Variants in TACC1 observed in about 807,000 individuals in gnomAD.
TACC1 encodes transforming acidic coiled-coil-containing protein 1.
A neutral mutation model predicts 84.4 loss-of-function variants in TACC1; 48 were observed. That is an observed-to-expected ratio of 0.57 (90% CI 0.45 to 0.72). The LOEUF (loss-of-function observed/expected upper bound fraction) is 0.72. Ranked by LOEUF, TACC1 falls within the 30% of genes least tolerant of loss-of-function variation. The pLI is 0.00. For synonymous variants in TACC1, 372 were observed against 376.3 expected (o/e 0.99, Z 0.13); for missense variants, 920 against 973.0 (o/e 0.95, Z 0.72).
chr8:38,788,605 C>T, intron 1 of TACC1, 99 bp from the exon 2 acceptor site: 1 of 966,006 alleles, frequency 1.0e-6, no homozygotes, highest in African/African-American at 1.6e-5. Context: ...TGAAGTTAGA[C>T]AAAAGTGCTG....
At chr8:38,813,188 A>G (rs1824626485) in intron 2 of TACC1, among the ~76,000 whole-genome samples, 2 of 152,190 alleles carry the variant, frequency 1.3e-5, no homozygotes, top group Admixed American at 1.3e-4. Context: ...ACCTTGATCC[A>G]CATTCCTCTA....
chr8:38,793,605 A>G (rs1394899651), intron 2 of TACC1, among the ~76,000 whole-genome samples: 1 of 152,060 alleles, frequency 6.6e-6, no homozygotes, highest in African/African-American at 2.4e-5. Flanking sequence ...AGTTATATAT[A>G]TATGAAATAT....
intron 2 of TACC1, among the ~76,000 whole-genome samples, chr8:38,796,277 T>G (rs1199393800): frequency 6.6e-6 from 1 of 152,230 alleles, no homozygotes; most frequent in Non-Finnish European, 1.5e-5. Context: ...CTTTTAAGAT[T>G]GCAGATCCAG....
chr8:38,811,731 G>C (rs1563692137), intron 2 of TACC1, among the ~76,000 whole-genome samples: 1 of 152,172 alleles, frequency 6.6e-6, no homozygotes, highest in Admixed American at 6.5e-5. Flanking sequence ...TGTGAAGCAT[G>C]TGTGTTTAAA....
intron 2 of TACC1, among the ~76,000 whole-genome samples, chr8:38,811,846 T>C (rs902378201): frequency 6.6e-6 from 1 of 152,206 alleles, no homozygotes; most frequent in African/African-American, 2.4e-5. Context: ...TCGGGCAGAA[T>C]AGAGCCATAT....
chr8:38,736,989 A>ACAATTTAGG (rs1455220380), intron 1 of TACC1, among the ~76,000 whole-genome samples: 1 of 152,204 alleles, frequency 6.6e-6, no homozygotes, highest in Non-Finnish European at 1.5e-5. Context: ...GGAAGGGCCC[A>ACAATTTAGG]GCGTGGGGAC....
chr8:38,780,857 A>T (rs1272081245), intron 3 of TACC1, among the ~76,000 whole-genome samples: 1 of 152,194 alleles, frequency 6.6e-6, no homozygotes, highest in Non-Finnish European at 1.5e-5. Context: ...AAGAGATAAA[A>T]GCTGGAGTTT....
rs368555690 is a variant in TACC1, at chr8:38,779,960, TCTTA to T, written c.27-8740_27-8737del. Among the ~76,000 whole-genome samples the T allele has an allele frequency of 2.9e-4, 44 of 152,382 alleles. No individual in the cohort carries two copies. In the East Asian group the frequency reaches 7.3e-3, roughly 25 times the overall value. On this transcript the variant is annotated intron_variant, in intron 3 of 14. Coordinates refer to the TACC1 transcript ENST00000518415. ...CACTTTTCTTTTGGGGCTTAAATGA[TCTTA>T]CTTGTTTTCACGAGTTCCTTAGGTA...
chr8:38,816,824 G>T (rs568406766), intron 2 of TACC1, among the ~76,000 whole-genome samples: 53 of 152,268 alleles, frequency 3.5e-4, no homozygotes, highest in Middle Eastern at 3.4e-3. Flanking sequence ...CATCATGTAG[G>T]TGTGATTGAT....
chr8:38,733,043 A>C (rs897918821), intron 1 of TACC1, among the ~76,000 whole-genome samples: 1 of 152,372 alleles, frequency 6.6e-6, no homozygotes, highest in South Asian at 2.1e-4. Flanking sequence ...GCATAATTGC[A>C]TCTGAGCAAG....
intron 3 of TACC1, among the ~76,000 whole-genome samples, chr8:38,769,131 GGTATA>G (rs1812898923): frequency 5.5e-5 from 8 of 145,440 alleles, no homozygotes; most frequent in African/African-American, 2.0e-4. Context: ...GGGTGTGTGT[GGTATA>G]TGTGTGACTA....
chr8:38,834,386 A>G (rs1233668366), intron 6 of TACC1, among the ~76,000 whole-genome samples: 2 of 152,206 alleles, frequency 1.3e-5, no homozygotes, highest in Non-Finnish European at 1.5e-5. Context: ...GACGTTTGCC[A>G]TATTCTAATG....
chr8:38,820,540 T>A lies in TACC1; in HGVS notation c.1296T>A (p.Thr432=). 1 of 1,614,150 alleles carries A rather than the reference T, an allele frequency of 6.2e-7. No individual in the cohort carries two copies. Among genetic ancestry groups the A allele is most frequent in the Non-Finnish European group, 8.5e-7 (1 of 1,180,010 alleles). The change falls in exon 3 of 13, where the codon ACT becomes ACA. Residue 432 remains threonine (T), a synonymous_variant. Coordinates refer to ENST00000317827, the MANE Select transcript of TACC1 (RefSeq NM_006283.3). The part of the protein sequence containing the change: ...FDESMDPFKP[T]TTLTSSDFCS... ...AATCCATGGATCCCTTTAAACCAAC[T>A]ACGACCTTAACAAGCAGTGACTTTT... is the stretch of plus-strand genomic sequence containing the variant.
At chr8:38,823,861 T>G in intron 3 of TACC1, 1 of 577,484 alleles carries the variant, frequency 1.7e-6, no homozygotes, top group South Asian at 1.5e-5. Flanking sequence ...TTAATTTGTA[T>G]CTCACCTCAT....
Position 38,788,336 on chromosome 8 carries a change from C to G in TACC1, c.162-368C>G, listed in dbSNP as rs117133908. The G allele has an allele frequency of 3.9e-3, 734 of 189,482 alleles. 3 individuals carry two copies. Among genetic ancestry groups the G allele is most frequent in the Non-Finnish European group, 5.0e-3 (450 of 90,776 alleles). The allele number at this position is 189,482 out of a possible 1,614,324, so 11.7% of individuals were successfully genotyped here. A position where few individuals can be genotyped will look rare whatever the true frequency, so the allele number is the denominator to read the frequency against. On this transcript the variant is annotated intron_variant, in intron 1 of 12. Transcript: ENST00000317827. Reference sequence around the variant, plus strand: ...AGAGGAATGCCTAGCATCGGCCTAACTCGGGGGTGGGACCAGTATTAATTG... The same window carrying G: ...AGAGGAATGCCTAGCATCGGCCTAAGTCGGGGGTGGGACCAGTATTAATTG...
chr8:38,787,571 G>A lies in TACC1; in HGVS notation c.-12G>A, dbSNP rs201262343. The A allele has an allele frequency of 4.4e-4, 676 of 1,535,540 alleles. 10 individuals carry two copies. The East Asian group carries it at 0.017, about 39-fold the overall frequency. ...CCTGCCCCTAGGAGCTGGAGCCGGA[G>A]GAGCCGCGCTCATGGCGTTCAGCCC... On this transcript the variant is annotated 5_prime_UTR_variant, in exon 1 of 13. Coordinates refer to ENST00000317827, the MANE Select transcript of TACC1 (RefSeq NM_006283.3).
At position 38,836,148 on chromosome 8, in the gene TACC1, C is replaced by G; in HGVS notation, c.1714-14C>G. Reference sequence around the variant, plus strand: ...TGAAAGCTGACAGATTCAGTGTAATCCCTTTCCCCACAGGGGCTGCTGGAG... The same window carrying G: ...TGAAAGCTGACAGATTCAGTGTAATGCCTTTCCCCACAGGGGCTGCTGGAG... On this transcript the variant is annotated splice_polypyrimidine_tract_variant and intron_variant, in intron 6 of 12. Transcript: ENST00000317827. 6.2e-7 allele frequency: 1 copy of G among 1,612,512 alleles called. No individual in the cohort carries two copies. Among genetic ancestry groups the G allele is most frequent in the Non-Finnish European group, 8.5e-7 (1 of 1,179,324 alleles).
chr8:38,800,324 A>G (rs1193008356), intron 2 of TACC1, among the ~76,000 whole-genome samples: 1 of 152,202 alleles, frequency 6.6e-6, no homozygotes, highest in Non-Finnish European at 1.5e-5. Flanking sequence ...ATTTATCGAC[A>G]GAGTTGTACA....
At chr8:38,799,233 C>T (rs906824615) in intron 2 of TACC1, among the ~76,000 whole-genome samples, 1 of 152,206 alleles carries the variant, frequency 6.6e-6, no homozygotes, top group Non-Finnish European at 1.5e-5. Flanking sequence ...GCCAAGCCAT[C>T]CCCCAGCCGT....
Sources: allele counts gnomAD v4.1 joint callset (sites outside exome capture counted in the v4.1 genomes callset), GRCh38; gene constraint gnomAD v4.1.1; transcripts MANE v1.5; gene names NCBI Gene and HGNC (gene_info 2026-07-23, HGNC 2026-07-21).